The following ANK3 variants were observed in gnomAD, a reference collection of about 807,000 sequenced individuals.
ANK3 encodes the protein ankyrin-3.
ANK3 carries 57 observed loss-of-function variants against 370.9 expected under a neutral mutation model. That is an observed-to-expected ratio of 0.15 (90% CI 0.12 to 0.19). The LOEUF is 0.19. Among genes scored for constraint, ANK3 ranks in the 10% least tolerant of loss-of-function variants. The pLI is 1.00. For missense variants in ANK3, 4,439 were observed against 5,302.1 expected (o/e 0.84, Z 5.06); for synonymous variants, 1,929 against 1,946.3 (o/e 0.99, Z 0.23).
In ANK3 at chr10:60,075,035, T is replaced by C; in HGVS notation, c.5846A>G (p.Glu1949Gly). Reference sequence around the variant, plus strand: ...TTTCACTAAGTCTTCCTTTACTTTCTCTACAATTTTGAAAGGTTCTTCATC... The same window carrying C: ...TTTCACTAAGTCTTCCTTTACTTTCCCTACAATTTTGAAAGGTTCTTCATC... ...IDDEEPFKIV[E>G]KVKEDLVKVS... Residue 1949 changes from glutamate (E) to glycine (G), a missense_variant, in exon 37 of 44, where the codon GAG (glutamate) becomes GGG (glycine). Physicochemically the swap from Glu to Gly is moderately conservative, Grantham distance 98. Transcript: ENST00000280772. 6.2e-7 allele frequency: 1 copy of C among 1,613,926 alleles called. No homozygotes were observed. The highest frequency in any genetic ancestry group is 8.5e-7 in the Non-Finnish European group (1 of 1,179,952).
rs373545688 is a variant in ANK3, at chr10:60,074,187, G to A, written c.6694C>T (p.Arg2232Trp). Residue 2232 changes from arginine to tryptophan, a missense_variant, in exon 37 of 44, where the codon CGG becomes TGG. Around this residue, in one of 13 missense-constraint regions of ANK3, gnomAD observed 1,601 missense variants for 1,731.7 expected, o/e 0.92. Transcript: ENST00000280772. Reference sequence around the variant, plus strand: ...ACACGCATGCCTTTGCTTAAAACCCGATTGTGGTCATCTTCTTCACTACTG... The same window carrying A: ...ACACGCATGCCTTTGCTTAAAACCCAATTGTGGTCATCTTCTTCACTACTG... ...KASSEEDDHN[R>W]VLSKGMRVKE... is the part of the protein sequence containing the mutation. 34 of 1,614,022 alleles carry A rather than the reference G, an allele frequency of 2.1e-5. No individual in the cohort carries two copies. The highest frequency in any genetic ancestry group is 1.7e-4 in the Middle Eastern group (1 of 6,060).
At chr10:60,459,555 G>A (rs2064833059) in intron 2 of ANK3, among the ~76,000 whole-genome samples, 1 of 152,104 alleles carries the variant, frequency 6.6e-6, no homozygotes, top group South Asian at 2.1e-4. Flanking sequence ...AAGATCATCT[G>A]CTTTCAATGC....
upstream of ANK3, among the ~76,000 whole-genome samples, chr10:60,392,089 C>T (rs939651397): frequency 6.6e-6 from 1 of 152,128 alleles, no homozygotes; most frequent in Non-Finnish European, 1.5e-5. Context: ...TTACTAAAGG[C>T]TAAATCCCTT....
Position 60,200,191 on chromosome 10 carries a change from C to A in ANK3, c.1429G>T (p.Gly477Cys), listed in dbSNP as rs767704217. Reference protein sequence around the residue: ...ETALHMAARSGQAEVVRYLVQ... With the variant: ...ETALHMAARSCQAEVVRYLVQ... The stretch of plus-strand genomic sequence containing the variant: ...AGATACCGCACAACTTCAGCTTGGC[C>A]GGAGCGAGCTGCCATGTGCAGTGCT... The change falls in exon 13 of 44, where the codon GGC becomes TGC. Residue 477 changes from glycine (G) to cysteine (C), a missense_variant. Physicochemically the swap from Gly to Cys is radical, Grantham distance 159. Transcript: ENST00000280772. The A allele has an allele frequency of 6.2e-7, 1 of 1,614,100 alleles. No individual in the cohort carries two copies. Among genetic ancestry groups the A allele is most frequent in the South Asian group, 1.1e-5 (1 of 91,078 alleles).
In ANK3 at chr10:60,076,063, C is replaced by T. The variant is rs748545077; in HGVS notation, c.4818G>A (p.Thr1606=). ...CCAGCCCTTTTAAGGGCGTAGCTTCCGTGACTGCTGGAGCTCTAGCCAGGG... is the reference window on the plus strand; with the variant it reads ...CCAGCCCTTTTAAGGGCGTAGCTTCTGTGACTGCTGGAGCTCTAGCCAGGG... ...SGTLARAPAV[T]EATPLKGLAS... Residue 1606 remains threonine, a synonymous_variant, in exon 37 of 44, where the codon ACG becomes ACA. Transcript: ENST00000280772. The T allele has an allele frequency of 2.6e-5, 42 of 1,614,020 alleles. No homozygotes were observed. The highest frequency in any genetic ancestry group is 3.1e-5 in the Non-Finnish European group (36 of 1,180,004).
chr10:60,632,324 C>A (rs1225403302), intron 1 of ANK3, among the ~76,000 whole-genome samples: 1 of 152,060 alleles, frequency 6.6e-6, no homozygotes, highest in Non-Finnish European at 1.5e-5. Context: ...ACAACACTTA[C>A]ATATAGTTTT....
chr10:60,528,303 A>T (rs531760480), intron 2 of ANK3, among the ~76,000 whole-genome samples: 2 of 151,590 alleles, frequency 1.3e-5, no homozygotes, highest in Non-Finnish European at 2.9e-5. Context: ...TACCTGGCTA[A>T]TTTTATATTT....
intron 23 of ANK3, among the ~76,000 whole-genome samples, chr10:60,150,004 C>T (rs534522323): frequency 7.7e-4 from 118 of 152,344 alleles, no homozygotes; most frequent in African/African-American, 2.7e-3. Context: ...CCACCATACC[C>T]GGCCTCCTAT....
intron 2 of ANK3, among the ~76,000 whole-genome samples, chr10:60,463,174 G>T (rs1488194637): frequency 6.6e-6 from 1 of 152,038 alleles, no homozygotes. Context: ...AAAGTGCTGG[G>T]GTTACAGGTG....
chr10:60,721,073 A>G (rs1280488092), intron 1 of ANK3, among the ~76,000 whole-genome samples: 3 of 152,200 alleles, frequency 2.0e-5, no homozygotes, highest in Admixed American at 6.5e-5. Context: ...AATTAGTAAA[A>G]ATACCCTCTA....
intron 8 of ANK3, among the ~76,000 whole-genome samples, chr10:60,226,621 A>T (rs1439938009): frequency 1.8e-5 from 2 of 109,206 alleles, no homozygotes; most frequent in Non-Finnish European, 3.6e-5. Context: ...AGCAAAAGTC[A>T]CTATATATTA....
At chr10:60,698,030 T>C (rs2079487739) in intron 1 of ANK3, among the ~76,000 whole-genome samples, 1 of 151,940 alleles carries the variant, frequency 6.6e-6, no homozygotes, top group Non-Finnish European at 1.5e-5. Context: ...ATATCCAGAA[T>C]CTACAATGAA....
At chr10:60,386,604 AATTC>A (rs1490053488) in intron 1 of ANK3, among the ~76,000 whole-genome samples, 1 of 151,904 alleles carries the variant, frequency 6.6e-6, no homozygotes, top group African/African-American at 2.4e-5. Flanking sequence ...CCATATGTAT[AATTC>A]ATTGAGTTTT....
At chr10:60,277,005 T>C (rs954674885) in intron 4 of ANK3, among the ~76,000 whole-genome samples, 2 of 152,222 alleles carry the variant, frequency 1.3e-5, no homozygotes, top group East Asian at 3.8e-4. Context: ...GGAAAAGCAT[T>C]ATTACTCCAA....
chr10:60,579,997 T>C (rs1238843662), intron 2 of ANK3, among the ~76,000 whole-genome samples: 1 of 152,216 alleles, frequency 6.6e-6, no homozygotes, highest in Non-Finnish European at 1.5e-5. Flanking sequence ...AGGATGTGTG[T>C]TTGCTTATAA....
At chr10:60,264,846 G>T (rs2097855203) in intron 5 of ANK3, among the ~76,000 whole-genome samples, 2 of 152,060 alleles carry the variant, frequency 1.3e-5, no homozygotes, top group South Asian at 2.1e-4. Flanking sequence ...CTTTATGAAA[G>T]ATCTATAGAG....
intron 2 of ANK3, among the ~76,000 whole-genome samples, chr10:60,577,447 G>T (rs1299142887): frequency 1.3e-5 from 2 of 152,142 alleles, no homozygotes; most frequent in African/African-American, 4.8e-5. Context: ...ATGGGTGGGA[G>T]GTAACAAATC....
chr10:60,138,835 A>G, intron 24 of ANK3, 129 bp downstream of exon 24: 3 of 1,253,242 alleles, frequency 2.4e-6, no homozygotes, highest in Non-Finnish European at 3.3e-6. Context: ...CGTCGAGAAC[A>G]TTTCGCTAAA....
At chr10:60,442,797 A>G (rs1179578672) in intron 2 of ANK3, among the ~76,000 whole-genome samples, 1 of 152,216 alleles carries the variant, frequency 6.6e-6, no homozygotes, top group Non-Finnish European at 1.5e-5. Flanking sequence ...TTGATCCCCC[A>G]CAAACTCTAT....
Sources: allele counts gnomAD v4.1 joint callset (sites outside exome capture counted in the v4.1 genomes callset), GRCh38; gene constraint gnomAD v4.1.1; regional missense constraint gnomAD v4.1.1; transcripts MANE v1.5; gene names NCBI Gene and HGNC (gene_info 2026-07-23, HGNC 2026-07-21).